Variants in SYT1 observed in about 807,000 individuals in gnomAD.
The protein encoded by SYT1 is synaptotagmin 1, also known as synaptotagmin-1.
In SYT1, 8 loss-of-function variants were observed where a neutral mutation model predicts 44.8. That is an observed-to-expected ratio of 0.18 (90% CI 0.10 to 0.32). The LOEUF is 0.32. SYT1 is among the 10% of genes least tolerant of loss of function. The pLI is 1.00. For missense variants in SYT1, 286 were observed against 509.3 expected (o/e 0.56, Z 4.22); for synonymous variants, 154 against 188.8 (o/e 0.82, Z 1.51).
intron 3 of SYT1, among the ~76,000 whole-genome samples, chr12:79,062,910 T>G (rs1875495847): frequency 6.6e-6 from 1 of 152,182 alleles, no homozygotes; most frequent in African/African-American, 2.4e-5. Flanking sequence ...TAGGTATCAT[T>G]AAACCATTTA....
chr12:78,880,274 G>A (rs549259730), intron 1 of SYT1, among the ~76,000 whole-genome samples: 2 of 151,314 alleles, frequency 1.3e-5, no homozygotes, highest in Non-Finnish European at 3.0e-5. Context: ...CCCACTGGAT[G>A]GAATGCACTT....
intron 3 of SYT1, among the ~76,000 whole-genome samples, chr12:79,179,456 A>AGAGAT (rs10643941): frequency 0.74 from 64,099 of 86,118 alleles, 23,280 homozygotes; most frequent in African/African-American, 0.82. Flanking sequence ...ATATAGATAT[A>AGAGAT]ATCTATATAG....
At chr12:79,082,974 T>C (rs1877136535) in intron 3 of SYT1, among the ~76,000 whole-genome samples, 1 of 149,564 alleles carries the variant, frequency 6.7e-6, no homozygotes, top group South Asian at 2.1e-4. Flanking sequence ...ATAAAAGAAA[T>C]GATTGTCAAA....
At chr12:79,065,645 T>C (rs960308545) in intron 3 of SYT1, among the ~76,000 whole-genome samples, 9 of 152,190 alleles carry the variant, frequency 5.9e-5, no homozygotes, top group Non-Finnish European at 1.3e-4. Flanking sequence ...TGATTTTGAA[T>C]ATTTATTATA....
intron 2 of SYT1, among the ~76,000 whole-genome samples, chr12:79,045,307 G>C (rs532011555): frequency 6.6e-6 from 1 of 152,236 alleles, no homozygotes; most frequent in African/African-American, 2.4e-5. Context: ...AGCCAGGTGC[G>C]GGATATAATC....
intron 3 of SYT1, among the ~76,000 whole-genome samples, chr12:79,094,488 G>C (rs1271390647): frequency 6.6e-6 from 1 of 151,764 alleles, no homozygotes; most frequent in Admixed American, 6.6e-5. Flanking sequence ...ATGCACACAT[G>C]TATAAACATA....
At chr12:79,059,913 C>T (rs12317960) in intron 3 of SYT1, among the ~76,000 whole-genome samples, 26,462 of 152,080 alleles carry the variant, frequency 0.17, 2,367 homozygotes, top group East Asian at 0.24. Flanking sequence ...AACCAACTTG[C>T]TCAAAATAAC....
intron 9 of SYT1, chr12:79,392,422 A>G (rs1301711300): frequency 6.6e-6 from 1 of 152,204 alleles, no homozygotes; most frequent in Admixed American, 6.5e-5. Context: ...ATACCCAATA[A>G]TACAGATTGT....
chr12:79,177,987 G>T lies in SYT1; in HGVS notation c.-17-39516G>T, dbSNP rs570926506. 5.5e-3 allele frequency among the ~76,000 whole-genome samples: 831 copies of T among 150,568 alleles called. 7 individuals carry two copies. Among genetic ancestry groups the T allele is most frequent in the African/African-American group, 0.019 (781 of 40,906 alleles). ...GTAGTTTGCGAAAATTTTCTCCCAT[G>T]TTGTAGGTTGCCTGTTCACTCTGAT... On this transcript the variant is annotated intron_variant, in intron 3 of 10. Coordinates refer to ENST00000261205, the MANE Select transcript of SYT1 (RefSeq NM_005639.3).
rs533208107 is a variant in SYT1, at chr12:78,872,954, C to A, written c.-217+7845C>A. On this transcript the variant is annotated intron_variant, in intron 1 of 10. Coordinates refer to ENST00000261205, the MANE Select transcript of SYT1 (RefSeq NM_005639.3). Reference sequence around the variant, plus strand: ...TAAACCGTAACTTTTTGCAGAGAGACAGAATAATGTTTTAGAGTCCAAAAA... The same window carrying A: ...TAAACCGTAACTTTTTGCAGAGAGAAAGAATAATGTTTTAGAGTCCAAAAA... Among the ~76,000 whole-genome samples, 3 of 151,800 alleles carry A rather than the reference C, an allele frequency of 2.0e-5. No individual in the cohort carries two copies. The South Asian group carries it at 6.2e-4, about 32-fold the overall frequency.
chr12:79,002,123 ATAATG>A (rs1165189709), intron 2 of SYT1, among the ~76,000 whole-genome samples: 1 of 152,134 alleles, frequency 6.6e-6, no homozygotes, highest in African/African-American at 2.4e-5. Flanking sequence ...GTATAAAAAT[ATAATG>A]TTTGTTTCTC....
chr12:78,991,483 C>T (rs1346445050), intron 2 of SYT1, among the ~76,000 whole-genome samples: 1 of 151,832 alleles, frequency 6.6e-6, no homozygotes, highest in Non-Finnish European at 1.5e-5. Context: ...AATTGTAGAC[C>T]TCTAGAAAAC....
At chr12:79,165,810 C>T (rs1172278754) in intron 3 of SYT1, among the ~76,000 whole-genome samples, 1 of 151,954 alleles carries the variant, frequency 6.6e-6, no homozygotes, top group Non-Finnish European at 1.5e-5. Flanking sequence ...TATAAAGATA[C>T]ATATTAGGTA....
intron 3 of SYT1, among the ~76,000 whole-genome samples, chr12:79,177,988 T>C (rs988139829): frequency 4.0e-5 from 6 of 150,916 alleles, no homozygotes; most frequent in Admixed American, 6.6e-5. Flanking sequence ...TTCTCCCATG[T>C]TGTAGGTTGC....
chr12:79,347,016 T>C (rs1007618274), intron 8 of SYT1, among the ~76,000 whole-genome samples: 11 of 150,590 alleles, frequency 7.3e-5, no homozygotes, highest in South Asian at 2.1e-4. Context: ...GGAGGTTTTT[T>C]TGTTTGTTTG....
At chr12:79,210,714 T>C (rs1874390297) in intron 3 of SYT1, among the ~76,000 whole-genome samples, 1 of 152,228 alleles carries the variant, frequency 6.6e-6, no homozygotes, top group African/African-American at 2.4e-5. Flanking sequence ...AACATGCATG[T>C]GCAAGTATCT....
chr12:79,152,173 C>T (rs554879614), intron 3 of SYT1, among the ~76,000 whole-genome samples: 1 of 152,078 alleles, frequency 6.6e-6, no homozygotes, highest in African/African-American at 2.4e-5. Flanking sequence ...CTTTAGATGA[C>T]CTGCGAGAAA....
At chr12:79,196,924 C>G (rs999615216) in intron 3 of SYT1, among the ~76,000 whole-genome samples, 14 of 152,188 alleles carry the variant, frequency 9.2e-5, no homozygotes, top group African/African-American at 2.9e-4. Flanking sequence ...GTTGATGCTG[C>G]TCTTCTGCAG....
At chr12:78,869,931 T>C (rs1351030222) in intron 1 of SYT1, among the ~76,000 whole-genome samples, 1 of 152,098 alleles carries the variant, frequency 6.6e-6, no homozygotes, top group Non-Finnish European at 1.5e-5. Context: ...ATAGTATGTT[T>C]TATGTTTAAC....
Sources: gnomAD v4.1 joint callset for allele counts (sites outside exome capture counted in the v4.1 genomes callset) on GRCh38, gnomAD v4.1.1 for gene constraint, MANE v1.5 for transcripts, NCBI Gene and HGNC (gene_info 2026-07-23, HGNC 2026-07-21) for gene names.